The following TMCC3 variants were observed in gnomAD, a reference collection of about 807,000 sequenced individuals.
TMCC3 encodes transmembrane and coiled-coil domain family 3, also known as transmembrane and coiled-coil domain protein 3.
In TMCC3, 28 loss-of-function variants were observed where a neutral mutation model predicts 40.2. The ratio of observed to expected loss-of-function variants is 0.70; its 90% confidence interval spans 0.52 to 0.95. TMCC3 has a LOEUF of 0.95. Ranked by LOEUF, TMCC3 falls within the 40% of genes least tolerant of loss-of-function variation. The pLI, the probability that TMCC3 is intolerant of heterozygous loss-of-function variation, is 0.00. For synonymous variants in TMCC3, 255 were observed against 248.5 expected, an observed-to-expected ratio of 1.03 and a Z score of -0.25; for missense variants, 554 against 615.2, an observed-to-expected ratio of 0.90 and a Z score of 1.05.
intron 1 of TMCC3, among the ~76,000 whole-genome samples, chr12:94,612,098 A>C (rs545392988): frequency 6.6e-6 from 1 of 152,214 alleles, no homozygotes; most frequent in South Asian, 2.1e-4. Flanking sequence ...TCCTGGGCTC[A>C]ACTGATCCCC....
chr12:94,596,512 C>A (rs774458877), intron 1 of TMCC3, among the ~76,000 whole-genome samples: 2 of 152,220 alleles, frequency 1.3e-5, no homozygotes, highest in Non-Finnish European at 2.9e-5. Context: ...CCCACCCCCA[C>A]GCCCAGCTAG....
rs191836566 is a variant in TMCC3 at position 94,617,543 on chromosome 12, A to G, written c.78+32810T>C. Among the ~76,000 whole-genome samples the G allele has an allele frequency of 1.6e-3, 238 of 152,316 alleles. 2 individuals are homozygous for G. Among genetic ancestry groups the G allele is most frequent in the Non-Finnish European group, 1.2e-3 (85 of 68,028 alleles). On this transcript the variant is annotated intron_variant, in intron 1 of 3. Coordinates refer to ENST00000261226, the MANE Select transcript of TMCC3 (RefSeq NM_020698.4). Reference sequence around the variant, plus strand: ...TGCTTTGTATTATAATTGAGTACTTAACCTTTGCAGCAGATTATAAGTTTT... The same window carrying G: ...TGCTTTGTATTATAATTGAGTACTTGACCTTTGCAGCAGATTATAAGTTTT...
chr12:94,627,777 TC>T (rs2068911372), intron 1 of TMCC3, among the ~76,000 whole-genome samples: 1 of 152,204 alleles, frequency 6.6e-6, no homozygotes, highest in South Asian at 2.1e-4. Context: ...ACCTTGGGCC[TC>T]CCCAGCCCTC....
At chr12:94,643,806 C>G (rs1264480356) in intron 1 of TMCC3, among the ~76,000 whole-genome samples, 1 of 152,216 alleles carries the variant, frequency 6.6e-6, no homozygotes, top group Non-Finnish European at 1.5e-5. Flanking sequence ...GCCACGGAGG[C>G]AGACAGGGAA....
At chr12:94,586,940 T>G (rs1338591338) in intron 1 of TMCC3, among the ~76,000 whole-genome samples, 1 of 152,228 alleles carries the variant, frequency 6.6e-6, no homozygotes, top group Non-Finnish European at 1.5e-5. Flanking sequence ...GGGTATAAAG[T>G]TGGAACTATT....
rs2068516924 is a variant in TMCC3 at position 94,569,946 on chromosome 12, T to TAAAGGAAA, written c.*1488_*1489insTTTCCTTT. 1.3e-5 allele frequency: 2 copies of TAAAGGAAA among 152,212 alleles called. No homozygotes were observed. Among genetic ancestry groups the TAAAGGAAA allele is most frequent in the African/African-American group, 4.8e-5 (2 of 41,442 alleles). 9.4% of individuals were successfully genotyped at this position (152,212 alleles called of 1,614,324 possible). On this transcript the variant is annotated 3_prime_UTR_variant, in exon 4 of 4. Coordinates refer to ENST00000261226, the MANE Select transcript of TMCC3 (RefSeq NM_020698.4). ...TGAACATTGTTTCCATCTTCCTCTTTGTTATACACACAGAGACACAGATTT... is the reference window on the plus strand; with the variant it reads ...TGAACATTGTTTCCATCTTCCTCTTTAAAGGAAAGTTATACACACAGAGACACAGATTT...
At chr12:94,648,010 G>A (rs930549295) in intron 1 of TMCC3, among the ~76,000 whole-genome samples, 156 of 152,290 alleles carry the variant, frequency 1.0e-3, no homozygotes, top group African/African-American at 3.7e-3. Flanking sequence ...CAGCATCACT[G>A]TAGTAGAATT....
At chr12:94,607,612 G>A (rs2068791487) in intron 1 of TMCC3, among the ~76,000 whole-genome samples, 1 of 152,144 alleles carries the variant, frequency 6.6e-6, no homozygotes, top group Admixed American at 6.5e-5. Context: ...CACCATGTTG[G>A]CCAGGCTGGT....
intron 3 of TMCC3, among the ~76,000 whole-genome samples, chr12:94,575,954 T>TA (rs965273938): frequency 7.3e-5 from 11 of 151,588 alleles, no homozygotes; most frequent in South Asian, 2.1e-4. Context: ...CTATAATAAT[T>TA]AAAAAAAAAA....
chr12:94,610,559 T>TACC (rs374032691), intron 1 of TMCC3, among the ~76,000 whole-genome samples: 2 of 151,996 alleles, frequency 1.3e-5, no homozygotes, highest in Non-Finnish European at 2.9e-5. Context: ...CTGCCACCCC[T>TACC]ACCACCACCA....
intron 1 of TMCC3, among the ~76,000 whole-genome samples, chr12:94,648,374 C>T (rs1000902435): frequency 6.6e-6 from 1 of 152,026 alleles, no homozygotes; most frequent in Non-Finnish European, 1.5e-5. Context: ...TTACAGGCGC[C>T]CACCACCACG....
At chr12:94,593,944 C>T (rs537384402) in intron 1 of TMCC3, among the ~76,000 whole-genome samples, 4 of 152,020 alleles carry the variant, frequency 2.6e-5, no homozygotes, top group Admixed American at 2.0e-4. Flanking sequence ...GGGAAGGCTA[C>T]AGTGATGAAA....
chr12:94,643,672 A>G (rs1426288933), intron 1 of TMCC3, among the ~76,000 whole-genome samples: 3 of 152,220 alleles, frequency 2.0e-5, no homozygotes, highest in Admixed American at 1.3e-4. Flanking sequence ...CGTGCAAAAG[A>G]CTGGCAATGT....
At chr12:94,579,260 A>G (rs1329766933) in intron 2 of TMCC3, among the ~76,000 whole-genome samples, 1 of 152,084 alleles carries the variant, frequency 6.6e-6, no homozygotes, top group Non-Finnish European at 1.5e-5. Flanking sequence ...TAATCCTAAC[A>G]CTCTGGGAGG....
intron 1 of TMCC3, among the ~76,000 whole-genome samples, chr12:94,644,702 A>G (rs2069008853): frequency 6.6e-6 from 1 of 152,210 alleles, no homozygotes. Context: ...ATATCTGTGT[A>G]CTACTCAACT....
chr12:94,572,056 G>A (rs1330641018), intron 3 of TMCC3, among the ~76,000 whole-genome samples: 1 of 152,200 alleles, frequency 6.6e-6, no homozygotes, highest in African/African-American at 2.4e-5. Flanking sequence ...CTGGAGTGCA[G>A]TGGTGCGATC....
At chr12:94,616,763 G>A (rs954512064) in intron 1 of TMCC3, among the ~76,000 whole-genome samples, 2 of 152,238 alleles carry the variant, frequency 1.3e-5, no homozygotes, top group Non-Finnish European at 2.9e-5. Flanking sequence ...GAGAAGTAAA[G>A]ATTTGGAGGA....
intron 1 of TMCC3, among the ~76,000 whole-genome samples, chr12:94,627,458 T>A (rs1219802865): frequency 1.3e-5 from 2 of 152,152 alleles, no homozygotes; most frequent in Non-Finnish European, 2.9e-5. Flanking sequence ...TTCTTTTCAA[T>A]CCAACAGCCC....
At chr12:94,589,621 A>C (rs965405499) in intron 1 of TMCC3, among the ~76,000 whole-genome samples, 4 of 152,196 alleles carry the variant, frequency 2.6e-5, no homozygotes, top group Admixed American at 6.5e-5. Context: ...AAGTTAAGTA[A>C]ATTGCCTGGG....
Sources: allele counts gnomAD v4.1 joint callset (sites outside exome capture counted in the v4.1 genomes callset), GRCh38; gene constraint gnomAD v4.1.1; transcripts MANE v1.5; gene names NCBI Gene and HGNC (gene_info 2026-07-23, HGNC 2026-07-21).